TCF24: variants seen among roughly 807,000 people sequenced by gnomAD.
TCF24 encodes the protein transcription factor 24.
Under a neutral mutation model 9.3 loss-of-function variants are expected in TCF24, and 5 were observed. That is an observed-to-expected ratio of 0.54 (90% CI 0.28 to 1.13). The LOEUF is 1.13. Among genes scored for constraint, TCF24 ranks in the 50% most tolerant of loss-of-function variants. The probability of loss-of-function intolerance (pLI) is 0.09; values close to 1 mark genes in which losing one functional copy is unlikely to be tolerated. For synonymous variants in TCF24, 110 were observed against 115.8 expected, an observed-to-expected ratio of 0.95 and a Z score of 0.32; for missense variants, 220 against 236.1, an observed-to-expected ratio of 0.93 and a Z score of 0.45.
chr8:66,954,484 C>G (rs1362826055), intron 3 of TCF24, among the ~76,000 whole-genome samples: 3 of 152,222 alleles, frequency 2.0e-5, no homozygotes, highest in African/African-American at 7.2e-5. Flanking sequence ...GGGAGAACCA[C>G]TGCTCTCTTC....
rs1814257457 is a variant in TCF24 at position 66,961,652 on chromosome 8, G to A, written c.114C>T (p.Gly38=). Residue 38 remains glycine, a synonymous_variant, in exon 3 of 4, where the codon GGC becomes GGT. Transcript: ENST00000563496. ...TCCCGGAACGCGAGCCGCCCCCAGG[G>A]CCCGCCGGCCCCGGCCCGGTCCGCC... is the stretch of plus-strand genomic sequence containing the variant. ...RPGRTGPGPA[G]PGGGSRSGSG... 2 of 1,183,940 alleles carry A rather than the reference G, an allele frequency of 1.7e-6. No individual in the cohort carries two copies. The highest frequency in any genetic ancestry group is 2.1e-6 in the Non-Finnish European group (2 of 959,984). The allele number at this position is 1,183,940 out of a possible 1,614,324, so 73.3% of individuals were successfully genotyped here.
rs886471379 is a variant in TCF24 at position 66,962,467 on chromosome 8, C to T, written c.-273G>A. ...TGCCCAAGTCGACGGCTGTTTCCAA[C>T]CTCCGCTGGCTGTGACTTTTATGCG... is the stretch of plus-strand genomic sequence containing the variant. On this transcript the variant is annotated 5_prime_UTR_variant, in exon 1 of 4. Transcript: ENST00000563496. 6.5e-6 allele frequency: 1 copy of T among 152,714 alleles called. No individual in the cohort carries two copies. The highest frequency in any genetic ancestry group is 6.5e-5 in the Admixed American group (1 of 15,290). 9.5% of individuals were successfully genotyped at this position (152,714 alleles called of 1,614,324 possible).
intron 3 of TCF24, among the ~76,000 whole-genome samples, chr8:66,954,360 G>A (rs1363545740): frequency 1.3e-5 from 2 of 151,998 alleles, no homozygotes; most frequent in African/African-American, 4.8e-5. Flanking sequence ...GCCGTGTGAG[G>A]TGTCAGTGTG....
At chr8:66,961,230 C>T (rs1252829579) in intron 3 of TCF24, 146 bp downstream of exon 3, 11 of 1,148,780 alleles carry the variant, frequency 9.6e-6, no homozygotes, top group South Asian at 2.4e-5. Flanking sequence ...GCCACCAGTA[C>T]CCTCGCGGGC....
chr8:66,958,623 T>G (rs1395964611), intron 3 of TCF24, among the ~76,000 whole-genome samples: 2 of 152,148 alleles, frequency 1.3e-5, no homozygotes. Context: ...ATCGCACCAC[T>G]GCACTCTAGC....
rs925025492 is a variant in TCF24 at position 66,947,341 on chromosome 8, G to A, written c.*710C>T. 6.6e-6 allele frequency: 1 copy of A among 152,190 alleles called. No homozygotes were observed. Among genetic ancestry groups the A allele is most frequent in the Non-Finnish European group, 1.5e-5 (1 of 68,068 alleles). 9.4% of individuals were successfully genotyped at this position (152,190 alleles called of 1,614,324 possible). Reference sequence around the variant, plus strand: ...TACAAAAAATAAAAGAATTAGCCAGGTGTGGTGACATGCACCTACATTGTG... The same window carrying A: ...TACAAAAAATAAAAGAATTAGCCAGATGTGGTGACATGCACCTACATTGTG... On this transcript the variant is annotated 3_prime_UTR_variant, in exon 4 of 4. Transcript: ENST00000563496.
intron 3 of TCF24, among the ~76,000 whole-genome samples, chr8:66,949,178 T>C (rs1052439621): frequency 2.6e-5 from 4 of 152,034 alleles, no homozygotes; most frequent in African/African-American, 7.2e-5. Context: ...TACGTATACA[T>C]GTGCCATGCT....
intron 3 of TCF24, among the ~76,000 whole-genome samples, chr8:66,960,422 G>T (rs1279529119): frequency 6.6e-6 from 1 of 151,922 alleles, no homozygotes; most frequent in East Asian, 1.9e-4. Context: ...TTGCATTTGT[G>T]TGTGTGTGTG....
chr8:66,954,291 T>C (rs1425767600), intron 3 of TCF24, among the ~76,000 whole-genome samples: 2 of 151,906 alleles, frequency 1.3e-5, no homozygotes, highest in Non-Finnish European at 2.9e-5. Context: ...GTCCTTTCTG[T>C]TTGTTAGTTT....
chr8:66,959,401 C>A (rs925530425), intron 3 of TCF24, among the ~76,000 whole-genome samples: 1 of 152,144 alleles, frequency 6.6e-6, no homozygotes, highest in Non-Finnish European at 1.5e-5. Context: ...ATTTTAATTT[C>A]TTTCGCATTA....
chr8:66,953,998 T>C (rs2130899464), intron 3 of TCF24, among the ~76,000 whole-genome samples: 1 of 152,058 alleles, frequency 6.6e-6, no homozygotes, highest in East Asian at 1.9e-4. Flanking sequence ...TACATTCTTC[T>C]AAATTTTTTT....
Position 66,961,625 on chromosome 8 carries a change from G to C in TCF24, c.141C>G (p.Ser47Arg). The C allele has an allele frequency of 8.6e-6, 11 of 1,273,450 alleles. No homozygotes were observed. Among genetic ancestry groups the C allele is most frequent in the Non-Finnish European group, 1.1e-5 (11 of 1,012,390 alleles). The allele number at this position is 1,273,450 out of a possible 1,614,324, so 78.9% of individuals were successfully genotyped here. A position where few individuals can be genotyped will look rare whatever the true frequency, so the allele number is the denominator to read the frequency against. Reference sequence around the variant, plus strand: ...CCGCATTCGCCGCCGCCGGCCGCCCGCTCCCGGAACGCGAGCCGCCCCCAG... The same window carrying C: ...CCGCATTCGCCGCCGCCGGCCGCCCCCTCCCGGAACGCGAGCCGCCCCCAG... ...AGPGGGSRSG[S>R]GRPAAANAAR... Residue 47 changes from serine to arginine, a missense_variant, in exon 3 of 4, where the codon AGC (serine) becomes AGG (arginine). By Grantham distance (110) the Ser-to-Arg change is moderately radical. Coordinates refer to ENST00000563496, the MANE Select transcript of TCF24 (RefSeq NM_001193502.2).
intron 3 of TCF24, among the ~76,000 whole-genome samples, chr8:66,949,666 T>G (rs988832305): frequency 3.9e-5 from 6 of 152,166 alleles, no homozygotes; most frequent in Non-Finnish European, 8.8e-5. Flanking sequence ...TCTAGATCCT[T>G]GAGGAATCGC....
intron 3 of TCF24, among the ~76,000 whole-genome samples, chr8:66,952,501 A>T (rs1585942218): frequency 6.8e-6 from 1 of 146,248 alleles, no homozygotes; most frequent in Admixed American, 6.9e-5. Context: ...TGCTGAGGAG[A>T]GCTTTACTTC....
At chr8:66,956,193 CA>C (rs1305858096) in intron 3 of TCF24, among the ~76,000 whole-genome samples, 1 of 152,140 alleles carries the variant, frequency 6.6e-6, no homozygotes, top group Non-Finnish European at 1.5e-5. Flanking sequence ...CTCCTGGGCT[CA>C]AGTGAGCCTC....
chr8:66,948,705 A>ATCTATCTAT lies in TCF24; in HGVS notation c.391-542_391-541insATAGATAGA, dbSNP rs746421033. Among the ~76,000 whole-genome samples, 940 of 138,232 alleles carry ATCTATCTAT rather than the reference A, an allele frequency of 6.8e-3. 3 individuals carry two copies. Among genetic ancestry groups the ATCTATCTAT allele is most frequent in the African/African-American group, 0.01 (381 of 37,334 alleles). 90.7% of individuals were successfully genotyped at this position (138,232 alleles called of 152,430 possible). A position where few individuals can be genotyped will look rare whatever the true frequency, so the allele number is the denominator to read the frequency against. ...TATCTATCTATCTATCTATCTATCT[A>ATCTATCTAT]TTTTTTTTGAGACGGAGTCTCGCTC... On this transcript the variant is annotated intron_variant, in intron 3 of 3. Coordinates refer to ENST00000563496, the MANE Select transcript of TCF24 (RefSeq NM_001193502.2).
chr8:66,953,694 C>G (rs1814094461), intron 3 of TCF24, among the ~76,000 whole-genome samples: 1 of 152,124 alleles, frequency 6.6e-6, no homozygotes, highest in African/African-American at 2.4e-5. Flanking sequence ...AGAGTGTTTT[C>G]CAACTTGGTT....
Position 66,946,880 on chromosome 8 carries a change from C to A in TCF24, c.*1171G>T, listed in dbSNP as rs181141732. The stretch of plus-strand genomic sequence containing the variant: ...TCTTAAGAATTATTAGCAAGAAAAT[C>A]ATTTTTCTGAAATTCTTGCTGTTAA... On this transcript the variant is annotated 3_prime_UTR_variant, in exon 4 of 4. Transcript: ENST00000563496. 1 of 152,068 alleles carries A rather than the reference C, an allele frequency of 6.6e-6. No homozygotes were observed. Among genetic ancestry groups the A allele is most frequent in the East Asian group, 1.9e-4 (1 of 5,198 alleles). 9.4% of individuals were successfully genotyped at this position (152,068 alleles called of 1,614,324 possible).
intron 3 of TCF24, among the ~76,000 whole-genome samples, chr8:66,955,681 C>T (rs1814141566): frequency 6.6e-6 from 1 of 152,172 alleles, no homozygotes; most frequent in South Asian, 2.1e-4. Flanking sequence ...CAAAGTCACA[C>T]CCCAGACCAA....
Sources: allele counts gnomAD v4.1 joint callset (sites outside exome capture counted in the v4.1 genomes callset), GRCh38; gene constraint gnomAD v4.1.1; transcripts MANE v1.5; gene names NCBI Gene and HGNC (gene_info 2026-07-23, HGNC 2026-07-21).